The following VTI1A variants were observed in gnomAD, a reference collection of about 807,000 sequenced individuals.
VTI1A encodes the protein vesicle transport through interaction with t-SNAREs 1A.
Under a neutral mutation model 34.9 loss-of-function variants are expected in VTI1A, and 22 were observed. The observed-to-expected ratio is 0.63, with a 90% CI of 0.45 to 0.90. The LOEUF (loss-of-function observed/expected upper bound fraction) is 0.90, where lower values mean the gene tolerates loss of function less well. Ranked by LOEUF, VTI1A falls within the 40% of genes least tolerant of loss-of-function variation. VTI1A has a pLI of 0.00. For synonymous variants in VTI1A, 87 were observed against 97.3 expected (o/e 0.89, Z 0.62); for missense variants, 268 against 275.6 (o/e 0.97, Z 0.20).
rs368925099 is a variant in VTI1A at position 112,797,331 on chromosome 10, C to T, written c.561-17959C>T. Among the ~76,000 whole-genome samples, 8 of 152,238 alleles carry T rather than the reference C, an allele frequency of 5.3e-5. No individual in the cohort carries two copies. In the East Asian group the frequency reaches 5.8e-4, roughly 11 times the overall value. On this transcript the variant is annotated intron_variant, in intron 7 of 7. Transcript: ENST00000393077. ...AGATTGTTCGAGGAAGGGCCGTGAC[C>T]GTGGCAACATCCCGGCTAGTGTATT... is the stretch of plus-strand genomic sequence containing the variant.
At chr10:112,685,909 C>T (rs1848387863) in intron 7 of VTI1A, among the ~76,000 whole-genome samples, 1 of 152,110 alleles carries the variant, frequency 6.6e-6, no homozygotes, top group Non-Finnish European at 1.5e-5. Flanking sequence ...GTACAACTGT[C>T]ATATCCTTCC....
At chr10:112,566,841 AT>A (rs1257054594) in intron 5 of VTI1A, among the ~76,000 whole-genome samples, 2 of 152,130 alleles carry the variant, frequency 1.3e-5, no homozygotes, top group African/African-American at 4.8e-5. Flanking sequence ...TATAGAAAGT[AT>A]ATTTGTCAGC....
intron 7 of VTI1A, among the ~76,000 whole-genome samples, chr10:112,798,415 A>G (rs1852752548): frequency 1.3e-5 from 2 of 152,214 alleles, no homozygotes; most frequent in African/African-American, 2.4e-5. Context: ...GGGGTCAGAT[A>G]TCACCCTCAT....
chr10:112,470,750 G>A (rs1005775430), intron 3 of VTI1A, among the ~76,000 whole-genome samples: 7 of 152,062 alleles, frequency 4.6e-5, no homozygotes, highest in African/African-American at 1.7e-4. Context: ...AAATTAGCCG[G>A]GCATGGTGGC....
intron 7 of VTI1A, among the ~76,000 whole-genome samples, chr10:112,722,327 A>G (rs1849839646): frequency 6.6e-6 from 1 of 150,412 alleles, no homozygotes; most frequent in South Asian, 2.2e-4. Context: ...ACTTGGACAC[A>G]GGGTGAGGGA....
chr10:112,780,310 AAAT>A (rs1414515700), intron 7 of VTI1A, among the ~76,000 whole-genome samples: 1 of 87,392 alleles, frequency 1.1e-5, no homozygotes, highest in Non-Finnish European at 2.9e-5. Flanking sequence ...ATAAATAAAT[AAAT>A]AAATAAATAA....
intron 3 of VTI1A, among the ~76,000 whole-genome samples, chr10:112,506,597 C>T (rs367639769): frequency 3.9e-5 from 6 of 152,206 alleles, no homozygotes; most frequent in Non-Finnish European, 7.3e-5. Context: ...CACCATTTTG[C>T]TCTTGTTGTC....
intron 5 of VTI1A, among the ~76,000 whole-genome samples, chr10:112,546,567 G>C (rs184619457): frequency 6.6e-6 from 1 of 151,992 alleles, no homozygotes; most frequent in Non-Finnish European, 1.5e-5. Flanking sequence ...TTACTTGTCC[G>C]CTAGAATAGC....
chr10:112,542,462 C>G (rs1191509668), intron 5 of VTI1A, among the ~76,000 whole-genome samples: 1 of 152,136 alleles, frequency 6.6e-6, no homozygotes, highest in African/African-American at 2.4e-5. Flanking sequence ...CACCCCTTCT[C>G]TCAGTAGTCA....
chr10:112,530,347 A>C (rs373720808), intron 4 of VTI1A, among the ~76,000 whole-genome samples: 28 of 152,258 alleles, frequency 1.8e-4, no homozygotes, highest in African/African-American at 6.3e-4. Flanking sequence ...GAAAGAGTTG[A>C]GTTCTTGAAT....
chr10:112,843,906 C>A, the VTI1A span, among the ~76,000 whole-genome samples: 1 of 152,118 alleles, frequency 6.6e-6, no homozygotes, highest in Non-Finnish European at 1.5e-5. Context: ...TAATTACTTC[C>A]CCTCTCTGTA....
chr10:112,496,185 A>ACCCCCCCCCCCCCCCCC (rs66554158), intron 3 of VTI1A, among the ~76,000 whole-genome samples: 1 of 27,838 alleles, frequency 3.6e-5, no homozygotes, highest in Non-Finnish European at 6.6e-5. Flanking sequence ...AAATGGGGAG[A>ACCCCCCCCCCCCCCCCC]CCCCCCCCCC....
At chr10:112,727,735 T>C (rs972189425) in intron 7 of VTI1A, among the ~76,000 whole-genome samples, 1 of 152,076 alleles carries the variant, frequency 6.6e-6, no homozygotes, top group Non-Finnish European at 1.5e-5. Context: ...ATAATTTACT[T>C]AATTGACAGA....
chr10:112,758,285 T>C (rs1244208810), intron 7 of VTI1A, among the ~76,000 whole-genome samples: 1 of 152,092 alleles, frequency 6.6e-6, no homozygotes, highest in Non-Finnish European at 1.5e-5. Context: ...CACTTTCTTC[T>C]CATCATCTCT....
At chr10:112,719,430 A>G (rs999896103) in intron 7 of VTI1A, among the ~76,000 whole-genome samples, 1 of 152,222 alleles carries the variant, frequency 6.6e-6, no homozygotes. Context: ...TGTTTTTTTA[A>G]CAGCTTTATT....
chr10:112,767,703 CTG>C lies in VTI1A; in HGVS notation c.561-47585_561-47584del, dbSNP rs1851686989. Among the ~76,000 whole-genome samples the C allele has an allele frequency of 6.6e-6, 1 of 151,178 alleles. No homozygotes were observed. Among genetic ancestry groups the C allele is most frequent in the Non-Finnish European group, 1.5e-5 (1 of 67,784 alleles). Reference sequence around the variant, plus strand: ...TTACTCTTTTTTTTTTTCTGTTTCTCTGTATTCTCCCAATTTTCTTGGTTGCG... The same window carrying C: ...TTACTCTTTTTTTTTTTCTGTTTCTCTATTCTCCCAATTTTCTTGGTTGCG... On this transcript the variant is annotated intron_variant, in intron 7 of 7. Transcript: ENST00000393077. The surrounding 1 kb of genome is among the most constrained non-coding windows in gnomAD (Gnocchi z 4.0).
chr10:112,692,926 C>T (rs750753906), intron 7 of VTI1A, among the ~76,000 whole-genome samples: 2 of 152,158 alleles, frequency 1.3e-5, no homozygotes, highest in Admixed American at 6.5e-5. Flanking sequence ...TCTGCCTCAC[C>T]GTGTCAGTAA....
chr10:112,701,463 G>C (rs1849006908), intron 7 of VTI1A, among the ~76,000 whole-genome samples: 1 of 152,204 alleles, frequency 6.6e-6, no homozygotes, highest in African/African-American at 2.4e-5. Flanking sequence ...CACAGGTGCA[G>C]ATTTGGAATG....
At chr10:112,721,275 G>A (rs1290607619) in intron 7 of VTI1A, among the ~76,000 whole-genome samples, 1 of 152,130 alleles carries the variant, frequency 6.6e-6, no homozygotes, top group East Asian at 1.9e-4. Context: ...ATAACCGATA[G>A]GTGGCATCAA....
Sources: allele counts gnomAD v4.1 joint callset (sites outside exome capture counted in the v4.1 genomes callset), GRCh38; gene constraint gnomAD v4.1.1; non-coding constraint Gnocchi (gnomAD v3.1); transcripts MANE v1.5; gene names NCBI Gene and HGNC (gene_info 2026-07-23, HGNC 2026-07-21).